RSPRY1: variants seen among roughly 807,000 people sequenced by gnomAD.
RSPRY1 encodes the protein RING finger and SPRY domain-containing protein 1.
RSPRY1 carries 23 observed loss-of-function variants against 73.1 expected under a neutral mutation model. That is an observed-to-expected ratio of 0.31 (90% CI 0.23 to 0.45). The LOEUF (loss-of-function observed/expected upper bound fraction) is 0.45, where lower values mean the gene tolerates loss of function less well. RSPRY1 is among the 20% of genes least tolerant of loss of function. The pLI is 1.00. For synonymous variants in RSPRY1, 226 were observed against 251.4 expected, an observed-to-expected ratio of 0.90 and a Z score of 0.95; for missense variants, 448 against 698.7, an observed-to-expected ratio of 0.64 and a Z score of 4.05.
chr16:57,201,967 G>C (rs2074623747), intron 1 of RSPRY1, among the ~76,000 whole-genome samples: 1 of 151,904 alleles, frequency 6.6e-6, no homozygotes, highest in South Asian at 2.1e-4. Flanking sequence ...GAGAGAGGGA[G>C]AGGGAGAGGA....
At chr16:57,200,770 C>T (rs2074565178) in intron 1 of RSPRY1, among the ~76,000 whole-genome samples, 1 of 100,302 alleles carries the variant, frequency 1.0e-5, no homozygotes, top group African/African-American at 4.4e-5. Flanking sequence ...CCGGATGGGG[C>T]GGCTGGCCGG....
At chr16:57,237,920 A>G (rs2146405537) in intron 14 of RSPRY1, among the ~76,000 whole-genome samples, 1 of 152,202 alleles carries the variant, frequency 6.6e-6, no homozygotes, top group South Asian at 2.1e-4. Context: ...ACCAGCTAGC[A>G]TCTTTTTAAT....
intron 1 of RSPRY1, among the ~76,000 whole-genome samples, chr16:57,201,416 C>T (rs1245171180): frequency 1.3e-5 from 2 of 149,804 alleles, no homozygotes; most frequent in East Asian, 2.0e-4. Context: ...CTGGCAGAGA[C>T]GCTCCTCACT....
chr16:57,208,011 T>C (rs753963685), intron 2 of RSPRY1, 47 bp from the exon 3 acceptor site: 1 of 1,167,980 alleles, frequency 8.6e-7, no homozygotes. Context: ...TTTGGAATTG[T>C]CATTTATTAT....
chr16:57,201,595 G>A (rs921021200), intron 1 of RSPRY1, among the ~76,000 whole-genome samples: 10 of 152,378 alleles, frequency 6.6e-5, no homozygotes, highest in African/African-American at 1.9e-4. Flanking sequence ...ACTTTGGGGG[G>A]CCAAGGCAGG....
At chr16:57,223,127 G>A (rs2075065775) in intron 10 of RSPRY1, among the ~76,000 whole-genome samples, 1 of 152,164 alleles carries the variant, frequency 6.6e-6, no homozygotes, top group Admixed American at 6.5e-5. Flanking sequence ...CCCAAATACA[G>A]GATTTTAATG....
intron 1 of RSPRY1, among the ~76,000 whole-genome samples, chr16:57,202,878 TTATATA>T (rs55701001): frequency 0.1 from 13,139 of 131,550 alleles, 959 homozygotes; most frequent in East Asian, 0.38. Context: ...TTACATATGA[TTATATA>T]TATATATATA....
intron 6 of RSPRY1, among the ~76,000 whole-genome samples, chr16:57,215,402 T>TA (rs1292490369): frequency 6.6e-6 from 1 of 152,198 alleles, no homozygotes; most frequent in Non-Finnish European, 1.5e-5. Context: ...TTCCAGAACT[T>TA]AGGAGGTACC....
intron 1 of RSPRY1, 117 bp downstream of exon 1, chr16:57,186,568 C>T (rs1404605438): frequency 1.3e-5 from 2 of 152,824 alleles, no homozygotes; most frequent in Non-Finnish European, 2.9e-5. Context: ...CTGGGGCGGG[C>T]GGACCGGACT....
Position 57,216,946 on chromosome 16 carries a change from G to C in RSPRY1, c.812G>C (p.Arg271Pro). ...ATTTCTGAATCCAGTATTAGTGACC[G>C]GCTTGTCACATTGGAGTCCTGGGCT... ...LTISESSISDRLVTLESWAND... is the reference protein window; with the variant it reads ...LTISESSISDPLVTLESWAND... Residue 271 changes from arginine to proline, a missense_variant, in exon 8 of 15, where the codon CGG becomes CCG. Physicochemically the swap from Arg to Pro is moderately radical, Grantham distance 103 (BLOSUM62 -2). Coordinates refer to ENST00000394420, the MANE Select transcript of RSPRY1 (RefSeq NM_133368.3). The C allele has an allele frequency of 6.2e-7, 1 of 1,613,160 alleles. No individual in the cohort carries two copies. The highest frequency in any genetic ancestry group is 2.2e-5 in the East Asian group (1 of 44,870).
chr16:57,214,705 G>A (rs1182784056), intron 6 of RSPRY1, among the ~76,000 whole-genome samples: 2 of 152,224 alleles, frequency 1.3e-5, no homozygotes, highest in Non-Finnish European at 2.9e-5. Flanking sequence ...TTTATCACAG[G>A]ATGTGATCAT....
chr16:57,204,006 C>T (rs1036107919), intron 1 of RSPRY1, among the ~76,000 whole-genome samples: 1 of 152,136 alleles, frequency 6.6e-6, no homozygotes, highest in Admixed American at 6.5e-5. Flanking sequence ...ATATTTGTAT[C>T]ATAACTTTTT....
rs1055174799 is a variant in RSPRY1, at chr16:57,223,696, T to A, written c.1161+2281T>A. Among the ~76,000 whole-genome samples, 4 of 152,258 alleles carry A rather than the reference T, an allele frequency of 2.6e-5. No homozygotes were observed. In the East Asian group the frequency reaches 7.7e-4, roughly 29 times the overall value. On this transcript the variant is annotated intron_variant, in intron 10 of 14. Transcript: ENST00000394420. ...CTGAGGCAGGAGAATTGCTGGAATA[T>A]GGGAGGCAGAGGTTGCACTGAGCCC... is the stretch of plus-strand genomic sequence containing the variant.
intron 8 of RSPRY1, among the ~76,000 whole-genome samples, chr16:57,218,730 T>C (rs1158970514): frequency 8.1e-5 from 8 of 98,868 alleles, no homozygotes; most frequent in East Asian, 3.6e-4. Flanking sequence ...CTTTTTTTTT[T>C]TTTTTTTTTT....
Position 57,199,194 on chromosome 16 carries a change from T to TTA in RSPRY1, c.-155-5309_-155-5308dup, listed in dbSNP as rs1356141223. On this transcript the variant is annotated intron_variant, in intron 1 of 14. Transcript: ENST00000394420. The stretch of plus-strand genomic sequence containing the variant: ...AGCAATATTTATGGCTTCATTCTAG[T>TTA]TAGATTTAAAGAAAAAGCGGCTGGG... Among the ~76,000 whole-genome samples the TTA allele has an allele frequency of 2.0e-5, 3 of 152,170 alleles. No homozygotes were observed. The East Asian group carries it at 5.8e-4, about 29-fold the overall frequency.
intron 11 of RSPRY1, among the ~76,000 whole-genome samples, chr16:57,228,791 C>T (rs2146357751): frequency 6.6e-6 from 1 of 152,272 alleles, no homozygotes; most frequent in South Asian, 2.1e-4. Flanking sequence ...CTCCCAGGCA[C>T]AATCCATCCT....
intron 10 of RSPRY1, among the ~76,000 whole-genome samples, chr16:57,222,488 G>A (rs1218133053): frequency 2.0e-5 from 3 of 152,202 alleles, no homozygotes; most frequent in Non-Finnish European, 4.4e-5. Flanking sequence ...GCTGGAGAGA[G>A]ACAAATTGGA....
intron 4 of RSPRY1, among the ~76,000 whole-genome samples, chr16:57,209,719 G>C (rs1476053867): frequency 1.3e-5 from 2 of 152,226 alleles, no homozygotes; most frequent in African/African-American, 4.8e-5. Context: ...TGTCACCCAG[G>C]CTGGCGTGCA....
intron 10 of RSPRY1, among the ~76,000 whole-genome samples, chr16:57,225,260 CAT>C (rs1451190507): frequency 6.6e-6 from 1 of 152,184 alleles, no homozygotes; most frequent in Non-Finnish European, 1.5e-5. Flanking sequence ...AGGGTTTCGC[CAT>C]GTTGGCCAGG....
Sources: allele counts gnomAD v4.1 joint callset (sites outside exome capture counted in the v4.1 genomes callset), GRCh38; gene constraint gnomAD v4.1.1; transcripts MANE v1.5; gene names NCBI Gene and HGNC (gene_info 2026-07-23, HGNC 2026-07-21).